The following CLEC2L variants were observed in gnomAD, a reference collection of about 807,000 sequenced individuals.
The protein encoded by CLEC2L is C-type lectin domain family 2, member L.
CLEC2L carries 14 observed loss-of-function variants against 23.6 expected under a neutral mutation model. The observed-to-expected ratio is 0.59, with a 90% CI of 0.39 to 0.93. The LOEUF (loss-of-function observed/expected upper bound fraction) is 0.93, where lower values mean the gene tolerates loss of function less well. CLEC2L is among the 40% of genes least tolerant of loss of function. CLEC2L has a pLI of 0.00. For synonymous variants in CLEC2L, 114 were observed against 121.3 expected (o/e 0.94, Z 0.40); for missense variants, 264 against 282.4 (o/e 0.93, Z 0.47).
At chr7:139,536,442 A>C (rs1254490187) in intron 2 of CLEC2L, 94 bp downstream of exon 2, 2 of 1,111,510 alleles carry the variant, frequency 1.8e-6, no homozygotes, top group African/African-American at 3.1e-5. Flanking sequence ...TAGACATTCC[A>C]AGAATCCTGT....
rs1797701771 is a variant in CLEC2L at position 139,539,190 on chromosome 7, T to C, written c.266-1131T>C. 6.6e-6 allele frequency: 1 copy of C among 151,898 alleles called. No individual in the cohort carries two copies. Among genetic ancestry groups the C allele is most frequent in the South Asian group, 2.1e-4 (1 of 4,800 alleles). 9.4% of individuals were successfully genotyped at this position (151,898 alleles called of 1,614,324 possible). A position where few individuals can be genotyped will look rare whatever the true frequency, so the allele number is the denominator to read the frequency against. ...CTTATGGAATTTGCAGCTGACAAAA[T>C]CCAAAAACACAATCCCATATGACAG... On this transcript the variant is annotated intron_variant, in intron 2 of 4. Transcript: ENST00000422142. The surrounding 1 kb of genome is among the most constrained non-coding windows in gnomAD (Gnocchi z 4.1).
chr7:139,525,434 C>T (rs1369433428), intron 1 of CLEC2L, among the ~76,000 whole-genome samples: 1 of 152,096 alleles, frequency 6.6e-6, no homozygotes, highest in Non-Finnish European at 1.5e-5. Context: ...AGCTGGACCA[C>T]CAGACAGTGG....
chr7:139,536,830 C>T (rs964605424), intron 2 of CLEC2L, among the ~76,000 whole-genome samples: 1 of 151,714 alleles, frequency 6.6e-6, no homozygotes, highest in Non-Finnish European at 1.5e-5. Context: ...CAAAAATTAG[C>T]CAGGTGTGGT....
intron 1 of CLEC2L, among the ~76,000 whole-genome samples, chr7:139,530,534 T>C (rs1483696651): frequency 2.0e-5 from 3 of 151,936 alleles, no homozygotes; most frequent in African/African-American, 7.3e-5. Flanking sequence ...GGGCTTCAGC[T>C]GGGCATGGTG....
Position 139,540,534 on chromosome 7 carries a change from C to A in CLEC2L, c.432+47C>A, listed in dbSNP as rs566683826. On this transcript the variant is annotated intron_variant, in intron 3 of 4. Coordinates refer to ENST00000422142, the MANE Select transcript of CLEC2L (RefSeq NM_001080511.4). The surrounding 1 kb of genome is among the most constrained non-coding windows in gnomAD (Gnocchi z 5.8). ...GGGTTGGGGGAAGGGACCCTCAGGGCCCCCAACCTTGACTCTAGGGGACAG... is the reference window on the plus strand; with the variant it reads ...GGGTTGGGGGAAGGGACCCTCAGGGACCCCAACCTTGACTCTAGGGGACAG... 6 of 1,549,838 alleles carry A rather than the reference C, an allele frequency of 3.9e-6. No homozygotes were observed. The African/African-American group carries it at 6.8e-5, about 18-fold the overall frequency.
chr7:139,530,087 G>T (rs986871936), intron 1 of CLEC2L, among the ~76,000 whole-genome samples: 1 of 151,936 alleles, frequency 6.6e-6, no homozygotes, highest in Non-Finnish European at 1.5e-5. Flanking sequence ...AGGAGGCTGA[G>T]GCAGGAGAAT....
intron 1 of CLEC2L, among the ~76,000 whole-genome samples, chr7:139,526,660 C>A (rs1161889467): frequency 6.6e-6 from 1 of 152,178 alleles, no homozygotes; most frequent in Non-Finnish European, 1.5e-5. Flanking sequence ...CACAGGCTGG[C>A]GGGCTTTCCA....
chr7:139,544,669 AC>A lies in CLEC2L; in HGVS notation c.*331del. 4.1e-6 allele frequency: 1 copy of A among 245,122 alleles called. No individual in the cohort carries two copies. The highest frequency in any genetic ancestry group is 7.9e-6 in the Non-Finnish European group (1 of 126,196). 15.2% of individuals were successfully genotyped at this position (245,122 alleles called of 1,614,324 possible). ...TGAAGCTCAGTGTCCATCCTGAGCC[AC>A]CCCACAGATCTCTCTCCGGCCCCCT... On this transcript the variant is annotated 3_prime_UTR_variant, in exon 5 of 5. Coordinates refer to ENST00000422142, the MANE Select transcript of CLEC2L (RefSeq NM_001080511.4).
chr7:139,540,165 T>TG lies in CLEC2L; in HGVS notation c.266-154dup. On this transcript the variant is annotated intron_variant, in intron 2 of 4. Transcript: ENST00000422142. The surrounding 1 kb of genome is among the most constrained non-coding windows in gnomAD (Gnocchi z 5.8). ...ACAGTCCCCTTTCTCATTCATTTAGTGGCCACCCTTTTACCTCCAGGCACC... is the reference window on the plus strand; with the variant it reads ...ACAGTCCCCTTTCTCATTCATTTAGTGGGCCACCCTTTTACCTCCAGGCACC... 3 of 674,264 alleles carry TG rather than the reference T, an allele frequency of 4.4e-6. No individual in the cohort carries two copies. Among genetic ancestry groups the TG allele is most frequent in the Non-Finnish European group, 7.4e-6 (3 of 406,150 alleles). The allele number at this position is 674,264 out of a possible 1,614,324, so 41.8% of individuals were successfully genotyped here.
chr7:139,541,725 G>A (rs1483925397), intron 3 of CLEC2L, among the ~76,000 whole-genome samples: 1 of 152,234 alleles, frequency 6.6e-6, no homozygotes, highest in African/African-American at 2.4e-5. Flanking sequence ...AGGAGGACAA[G>A]CCCTGTACAG....
intron 3 of CLEC2L, 66 bp from the exon 4 acceptor site, chr7:139,541,955 C>A: frequency 9.2e-7 from 1 of 1,082,052 alleles, no homozygotes; most frequent in South Asian, 1.4e-5. Flanking sequence ...TGAGGTTTGT[C>A]TTGGGATGTG....
In CLEC2L at chr7:139,540,699, G is replaced by C. The variant is rs1460500038; in HGVS notation, c.432+212G>C. On this transcript the variant is annotated intron_variant, in intron 3 of 4. Transcript: ENST00000422142. This position sits in a 1 kb window ranked among gnomAD's most constrained non-coding sequence, Gnocchi z 5.8. The stretch of plus-strand genomic sequence containing the variant: ...TCCAGTTTCCACTTCCATTGTCAAG[G>C]CCACCTATTTCAATCCAAGGCCCAC... Among the ~76,000 whole-genome samples the C allele has an allele frequency of 6.6e-6, 1 of 152,174 alleles. No homozygotes were observed. Among genetic ancestry groups the C allele is most frequent in the Non-Finnish European group, 1.5e-5 (1 of 68,028 alleles).
Position 139,540,279 on chromosome 7 carries a change from G to GC in CLEC2L, c.266-41dup. 1 of 1,567,312 alleles carries GC rather than the reference G, an allele frequency of 6.4e-7. No homozygotes were observed. Among genetic ancestry groups the GC allele is most frequent in the Non-Finnish European group, 8.7e-7 (1 of 1,154,976 alleles). On this transcript the variant is annotated intron_variant, in intron 2 of 4. Transcript: ENST00000422142. The surrounding 1 kb of genome is among the most constrained non-coding windows in gnomAD (Gnocchi z 5.8). ...CCACAGAAAGCAGAGTGGGACTCGG[G>GC]CTGGGGGGGCGGGCAGGGCCGAGCT... is the stretch of plus-strand genomic sequence containing the variant.
At chr7:139,524,492 G>A (rs988161786) in intron 1 of CLEC2L, among the ~76,000 whole-genome samples, 3 of 152,128 alleles carry the variant, frequency 2.0e-5, no homozygotes, top group Non-Finnish European at 4.4e-5. Flanking sequence ...AACACGCTTC[G>A]AGTAAAGTAA....
At chr7:139,534,605 A>T in intron 1 of CLEC2L, 1 of 692,970 alleles carries the variant, frequency 1.4e-6, no homozygotes, top group South Asian at 1.6e-5. Context: ...AACACAGGTG[A>T]GTACGGTGTG....
intron 1 of CLEC2L, among the ~76,000 whole-genome samples, chr7:139,530,171 G>A (rs56832753): frequency 0.03 from 4,527 of 151,756 alleles, 227 homozygotes; most frequent in African/African-American, 0.1. Context: ...GTGACAGAGC[G>A]AGACTCTGTG....
rs770419453 is a variant in CLEC2L at position 139,544,283 on chromosome 7, G to T, written c.586G>T (p.Val196Leu). ...ECVFVEPTRL[V>L]STECLMTRPW... ...TGTCTTCGTGGAGCCCACCAGGCTG[G>T]TGTCGACGGAGTGTCTGATGACCCG... The change falls in exon 5 of 5, where the codon GTG becomes TTG. Residue 196 changes from valine (V) to leucine (L), a missense_variant. Transcript: ENST00000422142. 29 of 1,613,524 alleles carry T rather than the reference G, an allele frequency of 1.8e-5. No homozygotes were observed. The East Asian group carries it at 6.0e-4, about 33-fold the overall frequency.
chr7:139,532,717 C>A (rs901061995), intron 1 of CLEC2L, among the ~76,000 whole-genome samples: 1 of 152,102 alleles, frequency 6.6e-6, no homozygotes, highest in Non-Finnish European at 1.5e-5. Flanking sequence ...GAACAGACAC[C>A]AGAACTTCCT....
intron 2 of CLEC2L, among the ~76,000 whole-genome samples, chr7:139,537,394 GGGGCTT>G (rs1401713707): frequency 7.8e-6 from 1 of 128,322 alleles, no homozygotes; most frequent in Non-Finnish European, 1.5e-5. Context: ...TTTAGACTCA[GGGGCTT>G]ATATACCTTT....
Sources: allele counts gnomAD v4.1 joint callset (sites outside exome capture counted in the v4.1 genomes callset), GRCh38; gene constraint gnomAD v4.1.1; non-coding constraint Gnocchi (gnomAD v3.1); transcripts MANE v1.5; gene names NCBI Gene and HGNC (gene_info 2026-07-23, HGNC 2026-07-21).